WDR7: variants seen among roughly 807,000 people sequenced by gnomAD.
The protein encoded by WDR7 is WD repeat domain 7, also known as WD repeat-containing protein 7.
A neutral mutation model predicts 169.4 loss-of-function variants in WDR7; 46 were observed. The ratio of observed to expected loss-of-function variants is 0.27; its 90% CI spans 0.21 to 0.35. The LOEUF (loss-of-function observed/expected upper bound fraction) is 0.35. WDR7 is among the 10% of genes least tolerant of loss of function. The pLI is 1.00. For synonymous variants in WDR7, 612 were observed against 666.8 expected, an observed-to-expected ratio of 0.92 and a Z score of 1.27; for missense variants, 1,534 against 1,859.3, an observed-to-expected ratio of 0.83 and a Z score of 3.22.
chr18:56,895,872 T>C (rs2046326219), intron 21 of WDR7, among the ~76,000 whole-genome samples: 1 of 151,838 alleles, frequency 6.6e-6, no homozygotes, highest in Non-Finnish European at 1.5e-5. Flanking sequence ...TTGTACACAA[T>C]CACAATCAAA....
intron 26 of WDR7, among the ~76,000 whole-genome samples, chr18:57,008,295 C>T (rs1378565595): frequency 1.3e-5 from 2 of 152,104 alleles, no homozygotes; most frequent in African/African-American, 4.8e-5. Context: ...TTTCTGTTTC[C>T]CTCTTCTCCA....
chr18:56,778,885 A>G (rs1224387115), intron 17 of WDR7, among the ~76,000 whole-genome samples: 1 of 152,168 alleles, frequency 6.6e-6, no homozygotes, highest in Non-Finnish European at 1.5e-5. Flanking sequence ...ATTAGATATT[A>G]TGGTTAGATA....
chr18:56,844,637 A>G (rs1243787924), intron 20 of WDR7, among the ~76,000 whole-genome samples: 1 of 152,256 alleles, frequency 6.6e-6, no homozygotes, highest in South Asian at 2.1e-4. Flanking sequence ...CTCTGCAGCC[A>G]TAGAGAAACC....
At chr18:56,708,727 G>C (rs1469789414) in intron 12 of WDR7, among the ~76,000 whole-genome samples, 1 of 152,132 alleles carries the variant, frequency 6.6e-6, no homozygotes, top group Non-Finnish European at 1.5e-5. Flanking sequence ...CTGAGGTCAG[G>C]AGTTTGAGAC....
chr18:56,706,624 A>G (rs1030104460), intron 12 of WDR7, among the ~76,000 whole-genome samples: 1 of 152,202 alleles, frequency 6.6e-6, no homozygotes, highest in Non-Finnish European at 1.5e-5. Context: ...ATAAATGCCT[A>G]AATCTGGGCA....
intron 4 of WDR7, among the ~76,000 whole-genome samples, 160 bp downstream of exon 4, chr18:56,681,551 A>T (rs1012693663): frequency 6.6e-6 from 1 of 152,212 alleles, no homozygotes; most frequent in South Asian, 2.1e-4. Context: ...TCCTCGTAAG[A>T]TGGTACAGTT....
At chr18:56,943,981 G>GGTTT (rs2047066356) in intron 25 of WDR7, among the ~76,000 whole-genome samples, 1 of 136,064 alleles carries the variant, frequency 7.3e-6, no homozygotes. Flanking sequence ...ATGTTTTGTG[G>GGTTT]GTTTTTTTTT....
intron 2 of WDR7, among the ~76,000 whole-genome samples, chr18:56,674,321 G>T (rs1446108203): frequency 6.6e-6 from 1 of 152,048 alleles, no homozygotes; most frequent in African/African-American, 2.4e-5. Context: ...TTTGATTCTA[G>T]CCCGAATTTT....
intron 26 of WDR7, among the ~76,000 whole-genome samples, chr18:56,979,236 A>T (rs1383304759): frequency 2.6e-5 from 4 of 152,278 alleles, no homozygotes. Context: ...ATAACATTTT[A>T]GTTAATAGGG....
At chr18:56,899,186 T>TA (rs572386527) in intron 21 of WDR7, among the ~76,000 whole-genome samples, 142 of 152,056 alleles carry the variant, frequency 9.3e-4, no homozygotes, top group Non-Finnish European at 1.9e-3. Flanking sequence ...CAGTTTTATT[T>TA]ATAGATTTAA....
intron 20 of WDR7, among the ~76,000 whole-genome samples, chr18:56,836,787 C>T (rs2045403405): frequency 6.6e-6 from 1 of 152,112 alleles, no homozygotes; most frequent in Admixed American, 6.6e-5. Flanking sequence ...GTCCATTAGT[C>T]AACGGGAATT....
Position 56,962,397 on chromosome 18 carries a change from T to C in WDR7, c.4065-33T>C, listed in dbSNP as rs370693383. The C allele has an allele frequency of 1.4e-4, 217 of 1,602,748 alleles. No individual in the cohort carries two copies. The African/African-American group carries it at 2.6e-3, about 19-fold the overall frequency. On this transcript the variant is annotated intron_variant, in intron 25 of 27. Transcript: ENST00000254442. ...GCAGGTCATCTCACCTGGCTTCTTG[T>C]TTTTGTTTTTGTTGTTAAAATGTTC... is the stretch of plus-strand genomic sequence containing the variant.
chr18:56,943,036 A>G (rs186989654), intron 25 of WDR7, among the ~76,000 whole-genome samples: 1 of 152,362 alleles, frequency 6.6e-6, no homozygotes, highest in African/African-American at 2.4e-5. Context: ...AGGACTTCAG[A>G]GAACACTAAG....
At position 56,758,932 on chromosome 18, in the gene WDR7, G is replaced by C. The variant is rs147164209; in HGVS notation, c.2827G>C (p.Val943Leu). ...RGSPPTSSNI[V>L]QGQIKQVAAP... ...TTCCCCTCCAACTTCCAGTAATATTGTGCAAGGACAGATTAAACAAGGTAA... is the reference window on the plus strand; with the variant it reads ...TTCCCCTCCAACTTCCAGTAATATTCTGCAAGGACAGATTAAACAAGGTAA... Residue 943 changes from valine to leucine, a missense_variant, in exon 16 of 28, where the codon GTG (valine) becomes CTG (leucine). Transcript: ENST00000254442. The C allele has an allele frequency of 3.1e-6, 5 of 1,612,632 alleles. No homozygotes were observed. The South Asian group carries it at 4.4e-5, about 14-fold the overall frequency.
intron 20 of WDR7, among the ~76,000 whole-genome samples, chr18:56,830,367 T>G (rs1287627006): frequency 2.0e-5 from 3 of 152,234 alleles, no homozygotes; most frequent in African/African-American, 7.2e-5. Context: ...AAAATTTGGT[T>G]TGGCATTACT....
intron 12 of WDR7, among the ~76,000 whole-genome samples, chr18:56,702,514 A>AT (rs1157486838): frequency 6.6e-6 from 1 of 152,236 alleles, no homozygotes; most frequent in Non-Finnish European, 1.5e-5. Context: ...ACCCAGTATA[A>AT]TATTGCCAAC....
chr18:56,720,462 CA>C (rs112738521), intron 13 of WDR7, among the ~76,000 whole-genome samples: 5,191 of 151,398 alleles, frequency 0.034, 300 homozygotes, highest in African/African-American at 0.12. Flanking sequence ...AATAAACAAA[CA>C]AAAAAAACCC....
At chr18:56,674,260 C>T (rs901591820) in intron 2 of WDR7, among the ~76,000 whole-genome samples, 1 of 152,196 alleles carries the variant, frequency 6.6e-6, no homozygotes, top group Non-Finnish European at 1.5e-5. Flanking sequence ...ATCAGCAGTG[C>T]ATGAGGGTTC....
intron 20 of WDR7, among the ~76,000 whole-genome samples, chr18:56,851,256 C>A (rs560765992): frequency 7.2e-5 from 11 of 152,246 alleles, no homozygotes; most frequent in African/African-American, 2.4e-4. Flanking sequence ...GTGGTTAGTT[C>A]TCCAAACATG....
Sources: gnomAD v4.1 joint callset for allele counts (sites outside exome capture counted in the v4.1 genomes callset) on GRCh38, gnomAD v4.1.1 for gene constraint, MANE v1.5 for transcripts, NCBI Gene and HGNC (gene_info 2026-07-23, HGNC 2026-07-21) for gene names.